Variants in TFB1M observed in about 807,000 individuals in gnomAD.
The protein encoded by TFB1M is transcription factor B1, mitochondrial.
A neutral mutation model predicts 31.1 loss-of-function variants in TFB1M; 27 were observed. That is an observed-to-expected ratio of 0.87 (90% CI 0.64 to 1.20). TFB1M has a LOEUF of 1.20. Among genes scored for constraint, TFB1M ranks in the 50% most tolerant of loss-of-function variants. The pLI, the probability that TFB1M is intolerant of heterozygous loss-of-function variation, is 0.00. For synonymous variants in TFB1M, 166 were observed against 151.8 expected (o/e 1.09, Z -0.69); for missense variants, 394 against 418.7 (o/e 0.94, Z 0.51).
intron 2 of TFB1M, among the ~76,000 whole-genome samples, chr6:155,301,328 G>A (rs1050891740): frequency 1.3e-5 from 2 of 152,194 alleles, no homozygotes; most frequent in African/African-American, 4.8e-5. Flanking sequence ...GTGCTAGACA[G>A]ACTAAATTGA....
rs145961545 is a variant in TFB1M, at chr6:155,256,893, A to T, written c.*943T>A. 20 of 1,614,074 alleles carry T rather than the reference A, an allele frequency of 1.2e-5. No individual in the cohort carries two copies. The highest frequency in any genetic ancestry group is 1.6e-5 in the Non-Finnish European group (19 of 1,180,036). ...GTCAGAAAGGAGGAGAGCAGCCCAA[A>T]CTGGTCCGGGGGCACTTCTGCCCCA... On this transcript the variant is annotated 3_prime_UTR_variant, in exon 7 of 7. Coordinates refer to ENST00000367166, the MANE Select transcript of TFB1M (RefSeq NM_016020.4).
At chr6:155,295,442 A>G (rs1777124416) in intron 4 of TFB1M, among the ~76,000 whole-genome samples, 2 of 152,196 alleles carry the variant, frequency 1.3e-5, no homozygotes. Context: ...GCAAGGGAAT[A>G]AATCCAAAAT....
downstream of TFB1M, among the ~76,000 whole-genome samples, chr6:155,251,222 C>T (rs1172482679): frequency 6.6e-6 from 1 of 152,218 alleles, no homozygotes; most frequent in Non-Finnish European, 1.5e-5. Context: ...CTCCCTTCTG[C>T]TGCTTGGCTC....
intron 5 of TFB1M, among the ~76,000 whole-genome samples, chr6:155,263,680 T>G (rs1181024660): frequency 6.6e-6 from 1 of 152,198 alleles, no homozygotes. Flanking sequence ...AACTGAGAAC[T>G]GTAATCAACA....
intron 5 of TFB1M, among the ~76,000 whole-genome samples, chr6:155,265,349 A>G (rs1243565632): frequency 2.0e-5 from 3 of 152,236 alleles, no homozygotes; most frequent in African/African-American, 7.2e-5. Context: ...GCTGCTAGTA[A>G]TATTATTAAA....
Position 155,256,943 on chromosome 6 carries a change from A to G in TFB1M, c.*893T>C. On this transcript the variant is annotated 3_prime_UTR_variant, in exon 7 of 7. Transcript: ENST00000367166. Reference sequence around the variant, plus strand: ...ATTAAACGAAAAGCCAACAGCACCAAGAGGGACAGAGGAACTTTGCTCAAG... The same window carrying G: ...ATTAAACGAAAAGCCAACAGCACCAGGAGGGACAGAGGAACTTTGCTCAAG... 1 of 1,614,166 alleles carries G rather than the reference A, an allele frequency of 6.2e-7. No homozygotes were observed. The highest frequency in any genetic ancestry group is 1.3e-5 in the African/African-American group (1 of 75,048).
the TFB1M span, among the ~76,000 whole-genome samples, chr6:155,236,750 A>G: frequency 6.6e-6 from 1 of 152,198 alleles, no homozygotes; most frequent in South Asian, 2.1e-4. Context: ...TGTTTTTAAA[A>G]TCATCAGATC....
At chr6:155,237,748 T>C in the TFB1M span, among the ~76,000 whole-genome samples, 3,612 of 152,306 alleles carry the variant, frequency 0.024, 152 homozygotes, top group African/African-American at 0.083. Flanking sequence ...CTTTCAGCCA[T>C]GGTTGGAGTG....
At chr6:155,252,905 A>AC, downstream of TFB1M, 1 of 1,552,682 alleles carries the variant, frequency 6.4e-7, no homozygotes, top group Non-Finnish European at 8.9e-7. Flanking sequence ...TCCCTCAGTG[A>AC]CAGCTTCCCT....
Position 155,256,706 on chromosome 6 carries a change from A to G in TFB1M, c.*1130T>C. 5 of 1,614,192 alleles carry G rather than the reference A, an allele frequency of 3.1e-6. No individual in the cohort carries two copies. Among genetic ancestry groups the G allele is most frequent in the Non-Finnish European group, 4.2e-6 (5 of 1,180,034 alleles). On this transcript the variant is annotated 3_prime_UTR_variant, in exon 7 of 7. Transcript: ENST00000367166. ...GATTTTGCCGACAATCTCATCAAAGAGAGTGACATCCTGAGCGATGAAGAT... is the reference window on the plus strand; with the variant it reads ...GATTTTGCCGACAATCTCATCAAAGGGAGTGACATCCTGAGCGATGAAGAT...
At chr6:155,289,536 A>G (rs1466865404) in intron 4 of TFB1M, among the ~76,000 whole-genome samples, 1 of 152,194 alleles carries the variant, frequency 6.6e-6, no homozygotes, top group Non-Finnish European at 1.5e-5. Flanking sequence ...CCCTTAATGC[A>G]TATGAGCTGA....
At position 155,314,461 on chromosome 6, in the gene TFB1M, A is replaced by C. The variant is rs199988321; in HGVS notation, c.-33T>G. 1.0e-3 allele frequency: 1,655 copies of C among 1,612,786 alleles called. 12 individuals carry two copies. The African/African-American group carries it at 0.018, about 18-fold the overall frequency. On this transcript the variant is annotated 5_prime_UTR_variant, in exon 1 of 7. Transcript: ENST00000367166. ...GGCAAGCACCATCCAACCCTACCTCACCCAGGACCTTCACCGCCGCTCCGA... is the reference window on the plus strand; with the variant it reads ...GGCAAGCACCATCCAACCCTACCTCCCCCAGGACCTTCACCGCCGCTCCGA...
intron 5 of TFB1M, among the ~76,000 whole-genome samples, chr6:155,283,051 T>C (rs912033726): frequency 1.3e-5 from 2 of 152,176 alleles, no homozygotes; most frequent in African/African-American, 2.4e-5. Flanking sequence ...TTTAAAACAT[T>C]TGCTCAATGT....
At chr6:155,248,386 A>G in the TFB1M span, among the ~76,000 whole-genome samples, 3 of 152,344 alleles carry the variant, frequency 2.0e-5, no homozygotes, top group South Asian at 6.2e-4. Flanking sequence ...CTTACAAAAT[A>G]CTTGGGTAGA....
Position 155,256,792 on chromosome 6 carries a change from C to CAGAG in TFB1M, c.*1040_*1043dup. The CAGAG allele has an allele frequency of 6.2e-7, 1 of 1,614,202 alleles. No homozygotes were observed. Among genetic ancestry groups the CAGAG allele is most frequent in the Non-Finnish European group, 8.5e-7 (1 of 1,180,040 alleles). On this transcript the variant is annotated 3_prime_UTR_variant, in exon 7 of 7. Coordinates refer to ENST00000367166, the MANE Select transcript of TFB1M (RefSeq NM_016020.4). The stretch of plus-strand genomic sequence containing the variant: ...TACTAAAGACATCGAAATTCAGTTC[C>CAGAG]AGAGACTGAGGATTTCCGAGGACCC...
At position 155,256,457 on chromosome 6, in the gene TFB1M, C is replaced by T; in HGVS notation, c.*1379G>A. The stretch of plus-strand genomic sequence containing the variant: ...CATTGTGTAACCTGTTTCTGTATCA[C>T]AGCGAAATGTGTTTTTCTCACTGTA... On this transcript the variant is annotated 3_prime_UTR_variant, in exon 7 of 7. Transcript: ENST00000367166. 4.3e-6 allele frequency: 7 copies of T among 1,613,856 alleles called. No homozygotes were observed. The highest frequency in any genetic ancestry group is 2.2e-5 in the East Asian group (1 of 44,890).
the TFB1M span, among the ~76,000 whole-genome samples, chr6:155,237,673 A>G: frequency 1.3e-5 from 2 of 152,228 alleles, no homozygotes; most frequent in Admixed American, 6.5e-5. Context: ...TCAACACCAC[A>G]TGGAAGCTGT....
At chr6:155,286,581 A>G (rs1431546330) in intron 4 of TFB1M, among the ~76,000 whole-genome samples, 4 of 147,184 alleles carry the variant, frequency 2.7e-5, no homozygotes, top group African/African-American at 1.0e-4. Context: ...ATACATGTGT[A>G]TATGTATATG....
intron 5 of TFB1M, among the ~76,000 whole-genome samples, chr6:155,277,420 C>T (rs576764404): frequency 5.3e-5 from 8 of 152,028 alleles, no homozygotes; most frequent in Non-Finnish European, 1.0e-4. Flanking sequence ...GGAAACACTG[C>T]CCACTATTGT....
Sources: allele counts gnomAD v4.1 joint callset (sites outside exome capture counted in the v4.1 genomes callset), GRCh38; gene constraint gnomAD v4.1.1; transcripts MANE v1.5; gene names NCBI Gene and HGNC (gene_info 2026-07-23, HGNC 2026-07-21).